NCKAP5: variants seen among roughly 807,000 people sequenced by gnomAD.
The protein encoded by NCKAP5 is nck-associated protein 5.
Under a neutral mutation model 167.0 loss-of-function variants are expected in NCKAP5, and 92 were observed. The ratio of observed to expected loss-of-function variants is 0.55; its 90% CI spans 0.47 to 0.66. The LOEUF (loss-of-function observed/expected upper bound fraction) is 0.66, where lower values mean the gene tolerates loss of function less well. Among genes scored for constraint, NCKAP5 ranks in the 30% least tolerant of loss-of-function variants. The pLI is 0.00. For synonymous variants in NCKAP5, 891 were observed against 877.4 expected, an observed-to-expected ratio of 1.02 and a Z score of -0.27; for missense variants, 2,378 against 2,315.0, an observed-to-expected ratio of 1.03 and a Z score of -0.56.
chr2:133,647,356 AAAGGAAGG>A, the NCKAP5 span, among the ~76,000 whole-genome samples: 1 of 121,730 alleles, frequency 8.2e-6, no homozygotes, highest in Non-Finnish European at 1.6e-5. Flanking sequence ...GAAAGGAAAG[AAAGGAAGG>A]AAGGAAGAAA....
chr2:133,279,558 G>A (rs999103779), intron 4 of NCKAP5, among the ~76,000 whole-genome samples: 1 of 151,982 alleles, frequency 6.6e-6, no homozygotes, highest in Non-Finnish European at 1.5e-5. Context: ...TTGTTACTAA[G>A]TTTCTGTTTT....
chr2:133,025,862 T>C (rs906589409), intron 6 of NCKAP5, among the ~76,000 whole-genome samples: 10 of 152,212 alleles, frequency 6.6e-5, no homozygotes, highest in Admixed American at 3.9e-4. Flanking sequence ...ATGTGCATCA[T>C]GTGCAGATTT....
At chr2:133,453,717 T>C (rs1691683583) in intron 3 of NCKAP5, among the ~76,000 whole-genome samples, 1 of 152,032 alleles carries the variant, frequency 6.6e-6, no homozygotes, top group Non-Finnish European at 1.5e-5. Context: ...TGCTCTCTAA[T>C]GAATGGAAGG....
In NCKAP5 at chr2:133,218,292, GAGA is replaced by G. The variant is rs142827789; in HGVS notation, c.144-4516_144-4514del. Among the ~76,000 whole-genome samples the G allele has an allele frequency of 6.1e-3, 921 of 152,228 alleles. 8 individuals carry two copies. Among genetic ancestry groups the G allele is most frequent in the African/African-American group, 0.021 (856 of 41,542 alleles). ...AATAAAGGGAAAAAATAAATTTTGT[GAGA>G]AGAATGATACTGCTTTAGAATTTTG... On this transcript the variant is annotated intron_variant, in intron 4 of 19. Transcript: ENST00000409261.
intron 6 of NCKAP5, chr2:133,118,916 C>G (rs778293814): frequency 1.3e-5 from 2 of 151,992 alleles, no homozygotes; most frequent in Non-Finnish European, 2.9e-5. Context: ...CAAGCAGAGA[C>G]CATAAAAGAG....
At chr2:133,513,669 G>A (rs770831597) in intron 3 of NCKAP5, among the ~76,000 whole-genome samples, 15 of 152,154 alleles carry the variant, frequency 9.9e-5, no homozygotes, top group Admixed American at 7.2e-4. Flanking sequence ...ATGTGTGCAC[G>A]TCCTTTTTTT....
chr2:133,425,929 A>G (rs1194163104), intron 3 of NCKAP5, among the ~76,000 whole-genome samples: 1 of 152,066 alleles, frequency 6.6e-6, no homozygotes, highest in African/African-American at 2.4e-5. Flanking sequence ...AAACACAAAA[A>G]CTCTCAAGTG....
chr2:132,954,008 T>C (rs2076270795), intron 8 of NCKAP5, among the ~76,000 whole-genome samples: 2 of 152,194 alleles, frequency 1.3e-5, no homozygotes, highest in Admixed American at 6.5e-5. Context: ...CTAGCTCAAA[T>C]GAAAGCAGAA....
intron 6 of NCKAP5, among the ~76,000 whole-genome samples, chr2:132,998,024 C>T (rs893559071): frequency 1.3e-5 from 2 of 152,162 alleles, no homozygotes; most frequent in African/African-American, 4.8e-5. Context: ...GGCCTGGTAT[C>T]CTGGTTTTCT....
At chr2:132,939,223 A>T (rs1031734675) in intron 8 of NCKAP5, among the ~76,000 whole-genome samples, 1 of 152,220 alleles carries the variant, frequency 6.6e-6, no homozygotes, top group African/African-American at 2.4e-5. Context: ...ACACATCTTG[A>T]CATTATAAAT....
chr2:133,652,104 T>C, the NCKAP5 span, among the ~76,000 whole-genome samples: 1 of 152,162 alleles, frequency 6.6e-6, no homozygotes, highest in Non-Finnish European at 1.5e-5. Flanking sequence ...TGACTCACCT[T>C]TTCACAAAAG....
At chr2:133,334,304 G>A (rs1559392879) in intron 3 of NCKAP5, among the ~76,000 whole-genome samples, 1 of 152,050 alleles carries the variant, frequency 6.6e-6, no homozygotes, top group Non-Finnish European at 1.5e-5. Context: ...TGGCACTGTC[G>A]TATTAGACAT....
intron 16 of NCKAP5, among the ~76,000 whole-genome samples, chr2:132,763,871 C>T (rs1459449541): frequency 6.6e-6 from 1 of 152,168 alleles, no homozygotes; most frequent in Admixed American, 6.5e-5. Context: ...TCTTATTCCT[C>T]TTTGTATGCC....
intron 3 of NCKAP5, among the ~76,000 whole-genome samples, chr2:133,369,997 G>A (rs530219356): frequency 6.6e-5 from 10 of 152,258 alleles, no homozygotes; most frequent in South Asian, 6.2e-4. Flanking sequence ...AACAGACAGC[G>A]CTTTGAATTT....
At chr2:133,338,063 C>T (rs1171090730) in intron 3 of NCKAP5, among the ~76,000 whole-genome samples, 1 of 151,868 alleles carries the variant, frequency 6.6e-6, no homozygotes, top group African/African-American at 2.4e-5. Flanking sequence ...ATAATAGATT[C>T]TTGGAATATT....
At chr2:132,719,866 G>A (rs1377819994) in intron 19 of NCKAP5, among the ~76,000 whole-genome samples, 5 of 152,220 alleles carry the variant, frequency 3.3e-5, no homozygotes, top group Admixed American at 6.5e-5. Flanking sequence ...GAGAACCTGG[G>A]AGGCAGAGCA....
the NCKAP5 span, among the ~76,000 whole-genome samples, chr2:133,624,431 T>C: frequency 6.6e-6 from 1 of 152,048 alleles, no homozygotes. Flanking sequence ...TTCCTAAAAA[T>C]ACACCCAAGT....
At chr2:133,271,669 C>T (rs894236761) in intron 4 of NCKAP5, among the ~76,000 whole-genome samples, 3 of 152,168 alleles carry the variant, frequency 2.0e-5, no homozygotes, top group Non-Finnish European at 4.4e-5. Context: ...TTGAAAGAGA[C>T]GTGACAAATG....
At chr2:132,964,282 G>A (rs759364841) in intron 7 of NCKAP5, among the ~76,000 whole-genome samples, 3 of 152,188 alleles carry the variant, frequency 2.0e-5, no homozygotes, top group Admixed American at 6.5e-5. Context: ...TGGACATGCA[G>A]CCATTTAATT....
Sources: allele counts gnomAD v4.1 joint callset (sites outside exome capture counted in the v4.1 genomes callset), GRCh38; gene constraint gnomAD v4.1.1; transcripts MANE v1.5; gene names NCBI Gene and HGNC (gene_info 2026-07-23, HGNC 2026-07-21).